The following CLEC4C variants were observed in gnomAD, a reference collection of about 807,000 sequenced individuals.
CLEC4C encodes the protein C-type lectin domain family 4 member C, also known as C-type (calcium dependent, carbohydrate-recognition domain) lectin, superfamily member 11.
In CLEC4C, 17 loss-of-function variants were observed where a neutral mutation model predicts 27.7. The observed-to-expected ratio is 0.61, with a 90% CI of 0.42 to 0.92. The LOEUF is 0.92. Ranked by LOEUF, CLEC4C falls within the 40% of genes least tolerant of loss-of-function variation. The pLI, the probability that CLEC4C is intolerant of heterozygous loss-of-function variation, is 0.00. For synonymous variants in CLEC4C, 80 were observed against 80.8 expected, an observed-to-expected ratio of 0.99 and a Z score of 0.06; for missense variants, 244 against 257.3, an observed-to-expected ratio of 0.95 and a Z score of 0.35.
chr12:7,743,484 A>G (rs1168500410), intron 2 of CLEC4C, among the ~76,000 whole-genome samples: 1 of 150,704 alleles, frequency 6.6e-6, no homozygotes, highest in Admixed American at 6.6e-5. Context: ...TCCTGGGTTC[A>G]TGCCATTCTC....
intron 2 of CLEC4C, among the ~76,000 whole-genome samples, chr12:7,745,980 C>T (rs948271697): frequency 6.6e-6 from 1 of 151,564 alleles, no homozygotes; most frequent in Non-Finnish European, 1.5e-5. Context: ...CTTTGGGAGG[C>T]CAAGGTGGGC....
upstream of CLEC4C, among the ~76,000 whole-genome samples, chr12:7,748,605 TATA>T (rs1358983730): frequency 6.6e-6 from 1 of 152,170 alleles, no homozygotes; most frequent in Non-Finnish European, 1.5e-5. Context: ...TTCTAAGCTG[TATA>T]CTTGCTGAAA....
chr12:7,737,679 T>A, intron 3 of CLEC4C, 105 bp from the exon 4 acceptor site: 1 of 1,096,866 alleles, frequency 9.1e-7, no homozygotes, highest in Non-Finnish European at 1.3e-6. Context: ...CACCTATGGA[T>A]CTCCACGGAT....
At position 7,747,337 on chromosome 12, in the gene CLEC4C, T is replaced by C. The variant is rs771351662; in HGVS notation, c.12A>G (p.Glu4=). Residue 4 remains glutamate (E), a synonymous_variant, in exon 1 of 6, where the codon GAA becomes GAG. Transcript: ENST00000360345. ...GCTTACCTCGGTCTTGAGGCTCTTC[T>C]TCAGGCACCATTGTGTGTGCGCACA... MVP[E]EEPQDREKGL... 1.2e-6 allele frequency: 2 copies of C among 1,614,038 alleles called. No homozygotes were observed. Among genetic ancestry groups the C allele is most frequent in the Admixed American group, 1.7e-5 (1 of 59,980 alleles).
rs143969041 is a variant in CLEC4C, at chr12:7,742,892, CTT to C, written c.125-1363_125-1362del. On this transcript the variant is annotated intron_variant, in intron 2 of 5. Transcript: ENST00000360345. ...CTTACAAAGTCTGCAACATCTCTCT[CTT>C]GCCCATCCCATTTCAAGCCGTACTG... 6.2e-3 allele frequency among the ~76,000 whole-genome samples: 938 copies of C among 152,268 alleles called. 5 individuals carry two copies. Among genetic ancestry groups the C allele is most frequent in the Non-Finnish European group, 8.6e-3 (586 of 68,038 alleles).
Position 7,737,424 on chromosome 12 carries a change from C to T in CLEC4C, c.381+5G>A, listed in dbSNP as rs1864752257. ...TAGCTGACCACCTTGCCTGTTAGAA[C>T]ATACCTGTTCTTCCCTGGTGTTGAT... On this transcript the variant is annotated splice_donor_5th_base_variant and intron_variant, in intron 4 of 5. Coordinates refer to ENST00000360345, the MANE Select transcript of CLEC4C (RefSeq NM_001371390.1). The T allele has an allele frequency of 6.3e-7, 1 of 1,575,046 alleles. No homozygotes were observed. The highest frequency in any genetic ancestry group is 8.6e-7 in the Non-Finnish European group (1 of 1,157,766).
chr12:7,740,033 C>G (rs1864817923), intron 3 of CLEC4C, among the ~76,000 whole-genome samples: 1 of 151,824 alleles, frequency 6.6e-6, no homozygotes, highest in Admixed American at 6.6e-5. Flanking sequence ...AGGGTTTCTC[C>G]ATGTTGGTTA....
chr12:7,737,510 C>T lies in CLEC4C; in HGVS notation c.300G>A (p.Gly100=), dbSNP rs1201061658. The change falls in exon 4 of 6, where the codon GGG becomes GGA. Residue 100 remains glycine, a synonymous_variant. Transcript: ENST00000360345. ...TTTGACTCTTAGTCCAAGATTGCAT[C>T]CCAGTAGAAATAAAGTAGCAACTAG... ...FQSSCYFIST[G]MQSWTKSQKN... 3 of 1,613,794 alleles carry T rather than the reference C, an allele frequency of 1.9e-6. No homozygotes were observed. Among genetic ancestry groups the T allele is most frequent in the Admixed American group, 3.3e-5 (2 of 59,966 alleles).
At position 7,729,559 on chromosome 12, in the gene CLEC4C, T is replaced by C. The variant is rs778976481; in HGVS notation, c.*37A>G. 1.1e-5 allele frequency: 17 copies of C among 1,599,102 alleles called. No homozygotes were observed. In the South Asian group the frequency reaches 1.8e-4, roughly 17 times the overall value. On this transcript the variant is annotated 3_prime_UTR_variant, in exon 6 of 6. Transcript: ENST00000360345. ...CAATTTAGCTTTCTACAACGGTGGATGCCAACCCAAACACATTTCCAGGGA... is the reference window on the plus strand; with the variant it reads ...CAATTTAGCTTTCTACAACGGTGGACGCCAACCCAAACACATTTCCAGGGA...
Position 7,739,197 on chromosome 12 carries a change from T to C in CLEC4C, c.236-1623A>G, listed in dbSNP as rs758087702. Among the ~76,000 whole-genome samples, 697 of 149,556 alleles carry C rather than the reference T, an allele frequency of 4.7e-3. 4 individuals are homozygous for C. Among genetic ancestry groups the C allele is most frequent in the African/African-American group, 0.016 (658 of 40,634 alleles). On this transcript the variant is annotated intron_variant, in intron 3 of 5. Transcript: ENST00000360345. ...GTGTGATCTCGGCTCACTGCAACCTTCGCCTCCCGGGTTCAAGCAATTCTC... is the reference window on the plus strand; with the variant it reads ...GTGTGATCTCGGCTCACTGCAACCTCCGCCTCCCGGGTTCAAGCAATTCTC...
chr12:7,743,832 C>G (rs1168923736), intron 2 of CLEC4C, among the ~76,000 whole-genome samples: 4 of 151,706 alleles, frequency 2.6e-5, no homozygotes, highest in Non-Finnish European at 5.9e-5. Flanking sequence ...AAAGGAATAC[C>G]TGAGACTTGG....
At chr12:7,746,146 T>G (rs1592100361) in intron 2 of CLEC4C, among the ~76,000 whole-genome samples, 185 bp downstream of exon 2, 2 of 132,920 alleles carry the variant, frequency 1.5e-5, no homozygotes, top group South Asian at 2.4e-4. Context: ...ACCCGGGAGG[T>G]GAGCTTGCAG....
rs1240014567 is a variant in CLEC4C at position 7,729,570 on chromosome 12, A to G, written c.*26T>C. The G allele has an allele frequency of 1.2e-6, 2 of 1,607,056 alleles. No homozygotes were observed. The highest frequency in any genetic ancestry group is 1.7e-6 in the Non-Finnish European group (2 of 1,175,840). ...TCTACAACGGTGGATGCCAACCCAA[A>G]CACATTTCCAGGGAGAATATTTCAT... is the stretch of plus-strand genomic sequence containing the variant. On this transcript the variant is annotated 3_prime_UTR_variant, in exon 6 of 6. Coordinates refer to ENST00000360345, the MANE Select transcript of CLEC4C (RefSeq NM_001371390.1).
chr12:7,743,883 C>T (rs144626081), intron 2 of CLEC4C, among the ~76,000 whole-genome samples: 6 of 152,276 alleles, frequency 3.9e-5, no homozygotes, highest in African/African-American at 1.4e-4. Context: ...CACAGTTCTG[C>T]AGACTGTACA....
At chr12:7,739,420 C>T (rs1009415178) in intron 3 of CLEC4C, among the ~76,000 whole-genome samples, 1 of 151,694 alleles carries the variant, frequency 6.6e-6, no homozygotes, top group Non-Finnish European at 1.5e-5. Context: ...CTGTTTCATT[C>T]TTGAAATAAT....
chr12:7,740,986 G>A (rs970874321), intron 3 of CLEC4C, among the ~76,000 whole-genome samples: 1 of 151,394 alleles, frequency 6.6e-6, no homozygotes, highest in African/African-American at 2.4e-5. Context: ...GACTACAGGC[G>A]CCTGCCACTG....
In CLEC4C at chr12:7,741,550, A is replaced by T; in HGVS notation, c.125-19T>A. The T allele has an allele frequency of 7.6e-7, 1 of 1,320,574 alleles. No homozygotes were observed. The highest frequency in any genetic ancestry group is 1.1e-6 in the Non-Finnish European group (1 of 912,044). The allele number at this position is 1,320,574 out of a possible 1,614,324, so 81.8% of individuals were successfully genotyped here. On this transcript the variant is annotated intron_variant, in intron 2 of 5. Coordinates refer to ENST00000360345, the MANE Select transcript of CLEC4C (RefSeq NM_001371390.1). ...TGAGGCACTGGGAAAGAGAAATCGG[A>T]GTTAGTTCTCATTCTTTTAAGTGGA...
intron 4 of CLEC4C, among the ~76,000 whole-genome samples, chr12:7,732,934 G>A (rs1391863313): frequency 6.6e-6 from 1 of 151,668 alleles, no homozygotes; most frequent in Non-Finnish European, 1.5e-5. Context: ...GGCGACAGAG[G>A]GACAGAGCAA....
chr12:7,746,469 A>G (rs1416080016), intron 1 of CLEC4C, 46 bp from the exon 2 acceptor site: 21 of 1,277,092 alleles, frequency 1.6e-5, no homozygotes, highest in Non-Finnish European at 2.3e-5. Context: ...CCCCACTGCC[A>G]AAGAGCCAGG....
Sources: gnomAD v4.1 joint callset for allele counts (sites outside exome capture counted in the v4.1 genomes callset) on GRCh38, gnomAD v4.1.1 for gene constraint, MANE v1.5 for transcripts, NCBI Gene and HGNC (gene_info 2026-07-23, HGNC 2026-07-21) for gene names.